XKR4: variants seen among roughly 807,000 people sequenced by gnomAD.
XKR4 encodes the protein XK-related protein 4.
In XKR4, 12 loss-of-function variants were observed where a neutral mutation model predicts 53.9. The observed-to-expected ratio is 0.22, with a 90% CI of 0.14 to 0.36. The LOEUF (loss-of-function observed/expected upper bound fraction) is 0.36. Ranked by LOEUF, XKR4 falls within the 10% of genes least tolerant of loss-of-function variation. XKR4 has a pLI of 1.00. For synonymous variants in XKR4, 354 were observed against 362.4 expected (o/e 0.98, Z 0.26); for missense variants, 799 against 859.5 (o/e 0.93, Z 0.88).
chr8:55,440,537 T>G (rs1401586420), intron 2 of XKR4, among the ~76,000 whole-genome samples: 1 of 152,058 alleles, frequency 6.6e-6, no homozygotes, highest in African/African-American at 2.4e-5. Context: ...AATATGCACA[T>G]GAAGATTTCT....
At chr8:55,266,858 T>C (rs544339407) in intron 1 of XKR4, among the ~76,000 whole-genome samples, 1 of 152,308 alleles carries the variant, frequency 6.6e-6, no homozygotes, top group African/African-American at 2.4e-5. Context: ...ATATCCTGTA[T>C]AAATATCATT....
chr8:55,157,271 T>C (rs879573356), intron 1 of XKR4, among the ~76,000 whole-genome samples: 3 of 152,200 alleles, frequency 2.0e-5, no homozygotes, highest in African/African-American at 4.8e-5. Context: ...GTGGAACTTA[T>C]TCAGTTATTG....
intron 1 of XKR4, among the ~76,000 whole-genome samples, chr8:55,177,048 T>G (rs1008299045): frequency 7.9e-5 from 12 of 151,862 alleles, no homozygotes; most frequent in Non-Finnish European, 8.8e-5. Context: ...TTCTTTTTTT[T>G]TTTTTCCAGA....
intron 1 of XKR4, among the ~76,000 whole-genome samples, chr8:55,226,931 C>G (rs1696008895): frequency 6.6e-6 from 1 of 152,158 alleles, no homozygotes; most frequent in East Asian, 1.9e-4. Context: ...ATGCGAGGAC[C>G]TTGATCAGCT....
intron 1 of XKR4, among the ~76,000 whole-genome samples, chr8:55,126,725 T>C (rs1238308410): frequency 6.6e-6 from 1 of 152,214 alleles, no homozygotes; most frequent in Non-Finnish European, 1.5e-5. Context: ...TAAATTTGCT[T>C]TGGGGTCTCC....
chr8:55,516,497 C>T (rs7840759), intron 2 of XKR4, among the ~76,000 whole-genome samples: 14,047 of 151,810 alleles, frequency 0.093, 1,428 homozygotes, highest in East Asian at 0.28. Context: ...ACAGAAAGGA[C>T]GAAGAAATGG....
intron 2 of XKR4, chr8:55,450,501 C>G (rs1188193121): frequency 4.7e-6 from 3 of 636,304 alleles, no homozygotes; most frequent in Non-Finnish European, 8.9e-6. Context: ...AGCCCCAGCT[C>G]AATGTGCTCA....
At chr8:55,501,595 G>A (rs116171113) in intron 2 of XKR4, among the ~76,000 whole-genome samples, 4,119 of 152,132 alleles carry the variant, frequency 0.027, 188 homozygotes, top group African/African-American at 0.094. Flanking sequence ...TTGTTGTAAT[G>A]TTTTCAAGGT....
chr8:55,135,157 CAT>C (rs1816607994), intron 1 of XKR4: 2 of 154,696 alleles, frequency 1.3e-5, no homozygotes, highest in South Asian at 4.0e-4. Context: ...AGTCTACACA[CAT>C]ACATGGCTTG....
intron 1 of XKR4, among the ~76,000 whole-genome samples, chr8:55,169,159 G>A (rs1315724636): frequency 4.6e-5 from 7 of 152,018 alleles, no homozygotes; most frequent in Admixed American, 1.3e-4. Context: ...TTCATATTTC[G>A]TATTCAATTG....
chr8:55,454,528 C>A, intron 2 of XKR4: 1 of 1,374,354 alleles, frequency 7.3e-7, no homozygotes. Flanking sequence ...GGCGGAAGAG[C>A]AGGCCACGCT....
intron 1 of XKR4, among the ~76,000 whole-genome samples, chr8:55,182,283 AT>A (rs912526950): frequency 5.3e-5 from 8 of 151,074 alleles, no homozygotes; most frequent in African/African-American, 1.9e-4. Flanking sequence ...CAGTTTATCA[AT>A]TTTTTTCTTT....
intron 1 of XKR4, among the ~76,000 whole-genome samples, chr8:55,152,082 C>A (rs775078324): frequency 2.6e-5 from 4 of 152,038 alleles, no homozygotes; most frequent in Non-Finnish European, 5.9e-5. Flanking sequence ...GCAGCAAGAT[C>A]CACTTAAATG....
At chr8:55,231,162 A>T (rs1818034139) in intron 1 of XKR4, among the ~76,000 whole-genome samples, 1 of 152,238 alleles carries the variant, frequency 6.6e-6, no homozygotes, top group Non-Finnish European at 1.5e-5. Context: ...ATGTGCACTT[A>T]AATCTAGCTT....
At chr8:55,116,333 T>A (rs573371251) in intron 1 of XKR4, among the ~76,000 whole-genome samples, 1 of 152,036 alleles carries the variant, frequency 6.6e-6, no homozygotes, top group African/African-American at 2.4e-5. Flanking sequence ...CAGCCAGGAG[T>A]TAGCTGCATA....
intron 2 of XKR4, among the ~76,000 whole-genome samples, chr8:55,389,876 C>T (rs568953505): frequency 2.0e-5 from 3 of 152,292 alleles, no homozygotes; most frequent in Non-Finnish European, 4.4e-5. Context: ...TTCCTAGTGC[C>T]TACTGGAGCC....
At chr8:55,333,846 A>T (rs913452894) in intron 1 of XKR4, among the ~76,000 whole-genome samples, 12 of 152,184 alleles carry the variant, frequency 7.9e-5, no homozygotes, top group African/African-American at 2.9e-4. Flanking sequence ...GTATTGCACC[A>T]CATCAAGGAG....
intron 2 of XKR4, chr8:55,451,531 A>C (rs1805443314): frequency 1.9e-6 from 2 of 1,029,036 alleles, no homozygotes; most frequent in Non-Finnish European, 2.9e-6. Flanking sequence ...GAGTCCGACT[A>C]CACCTATGCC....
intron 1 of XKR4, among the ~76,000 whole-genome samples, chr8:55,134,791 T>G (rs908970803): frequency 3.4e-4 from 52 of 152,342 alleles, no homozygotes; most frequent in African/African-American, 1.3e-3. Context: ...GCTTATACCC[T>G]TTGTTAAAAT....
Sources: gnomAD v4.1 joint callset for allele counts (sites outside exome capture counted in the v4.1 genomes callset) on GRCh38, gnomAD v4.1.1 for gene constraint, MANE v1.5 for transcripts, NCBI Gene and HGNC (gene_info 2026-07-23, HGNC 2026-07-21) for gene names.